MCC: variants seen among roughly 807,000 people sequenced by gnomAD.
MCC encodes colorectal mutant cancer protein.
In MCC, 90 loss-of-function variants were observed where a neutral mutation model predicts 116.2. The ratio of observed to expected loss-of-function variants is 0.77; its 90% CI spans 0.65 to 0.92. The LOEUF is 0.92. Ranked by LOEUF, MCC falls within the 40% of genes least tolerant of loss-of-function variation. MCC has a pLI of 0.00. For synonymous variants in MCC, 578 were observed against 510.5 expected, an observed-to-expected ratio of 1.13 and a Z score of -1.78; for missense variants, 1,516 against 1,312.2, an observed-to-expected ratio of 1.16 and a Z score of -2.40.
intron 3 of MCC, among the ~76,000 whole-genome samples, chr5:113,332,097 G>C (rs763590761): frequency 6.6e-6 from 1 of 151,666 alleles, no homozygotes; most frequent in Non-Finnish European, 1.5e-5. Flanking sequence ...CTCCTTGAAA[G>C]ATCTCATTTC....
chr5:113,046,624 C>A (rs574090413), intron 16 of MCC, among the ~76,000 whole-genome samples: 1 of 146,944 alleles, frequency 6.8e-6, no homozygotes, highest in Non-Finnish European at 1.5e-5. Flanking sequence ...CTACCACACC[C>A]CAAGAACACA....
At position 113,040,182 on chromosome 5, in the gene MCC, C is replaced by T. The variant is rs199639300; in HGVS notation, c.2756+3348G>A. 8.2e-4 allele frequency among the ~76,000 whole-genome samples: 39 copies of T among 47,438 alleles called. 1 individual carries two copies. In the Middle Eastern group the frequency reaches 0.053, roughly 64 times the overall value. The allele number at this position is 47,438 out of a possible 152,430, so 31.1% of individuals were successfully genotyped here. ...ATGGGAGTTATACATACAGTAAAGGCGGGGTGGCATGTAGCCTTGGTTTTG... is the reference window on the plus strand; with the variant it reads ...ATGGGAGTTATACATACAGTAAAGGTGGGGTGGCATGTAGCCTTGGTTTTG... On this transcript the variant is annotated intron_variant, in intron 17 of 18. Coordinates refer to ENST00000408903, the MANE Select transcript of MCC (RefSeq NM_001085377.2).
At chr5:113,248,118 G>C (rs534340608) in intron 3 of MCC, among the ~76,000 whole-genome samples, 1 of 151,782 alleles carries the variant, frequency 6.6e-6, no homozygotes, top group African/African-American at 2.4e-5. Context: ...ATATATCCTG[G>C]TTACTCCAGG....
chr5:113,060,098 T>C (rs1753113245), intron 14 of MCC, among the ~76,000 whole-genome samples: 1 of 152,204 alleles, frequency 6.6e-6, no homozygotes, highest in Non-Finnish European at 1.5e-5. Flanking sequence ...TTCATCAACA[T>C]CTTACCTGGC....
intron 5 of MCC, among the ~76,000 whole-genome samples, chr5:113,137,190 G>C (rs747591456): frequency 1.3e-5 from 2 of 152,158 alleles, no homozygotes; most frequent in Non-Finnish European, 2.9e-5. Context: ...CAGCAGGATA[G>C]AGTGTAAGCA....
At chr5:113,216,465 A>G (rs910443985) in intron 3 of MCC, among the ~76,000 whole-genome samples, 5 of 152,190 alleles carry the variant, frequency 3.3e-5, no homozygotes, top group Non-Finnish European at 2.9e-5. Flanking sequence ...TAGTATAAAT[A>G]ATCTGTAAGC....
chr5:113,027,789 C>A (rs561439644), intron 18 of MCC, among the ~76,000 whole-genome samples: 3 of 152,280 alleles, frequency 2.0e-5, no homozygotes, highest in East Asian at 1.9e-4. Context: ...CAGTCCAAAA[C>A]GGATAAATAC....
At chr5:113,088,691 C>T (rs754119681) in intron 8 of MCC, among the ~76,000 whole-genome samples, 7 of 152,002 alleles carry the variant, frequency 4.6e-5, no homozygotes, top group Non-Finnish European at 1.0e-4. Flanking sequence ...TTCGAAGAGG[C>T]AAGGAAGGAT....
chr5:113,036,392 TTC>T (rs1237354418), intron 17 of MCC, among the ~76,000 whole-genome samples: 13 of 152,284 alleles, frequency 8.5e-5, no homozygotes, highest in African/African-American at 3.1e-4. Context: ...CCACCTGGGA[TTC>T]TGTCTGCAGA....
chr5:113,353,243 C>T (rs555058701), intron 2 of MCC, among the ~76,000 whole-genome samples: 3 of 152,182 alleles, frequency 2.0e-5, no homozygotes, highest in African/African-American at 7.2e-5. Context: ...ATGACAAGGC[C>T]ATTGTTAGGA....
At chr5:113,447,875 G>A (rs181115900) in intron 1 of MCC, among the ~76,000 whole-genome samples, 1 of 152,176 alleles carries the variant, frequency 6.6e-6, no homozygotes, top group East Asian at 1.9e-4. Context: ...TTGAGACAAA[G>A]GTCCAGCTGC....
intron 2 of MCC, among the ~76,000 whole-genome samples, chr5:113,366,069 T>C (rs1022628037): frequency 6.6e-5 from 10 of 152,234 alleles, no homozygotes; most frequent in Non-Finnish European, 1.2e-4. Flanking sequence ...TTTCTTCTTT[T>C]GTGCTTTCGA....
chr5:113,328,022 A>G (rs1255428963), intron 3 of MCC, among the ~76,000 whole-genome samples: 3 of 152,200 alleles, frequency 2.0e-5, no homozygotes, highest in Non-Finnish European at 4.4e-5. Context: ...AATTGACACC[A>G]TAATTCACAG....
intron 2 of MCC, among the ~76,000 whole-genome samples, chr5:113,355,769 A>C (rs1186837070): frequency 6.6e-6 from 1 of 152,006 alleles, no homozygotes; most frequent in African/African-American, 2.4e-5. Flanking sequence ...CCACGATCTC[A>C]TCTAACTTTA....
intron 3 of MCC, among the ~76,000 whole-genome samples, chr5:113,182,369 A>G (rs10072487): frequency 0.44 from 67,289 of 152,002 alleles, 16,746 homozygotes; most frequent in African/African-American, 0.68. Context: ...CCACACTAAC[A>G]AGATGGTAAG....
intron 3 of MCC, among the ~76,000 whole-genome samples, chr5:113,156,295 T>C (rs776423033): frequency 2.0e-5 from 3 of 152,230 alleles, no homozygotes; most frequent in Non-Finnish European, 4.4e-5. Flanking sequence ...TGCCACTTGT[T>C]GGTGGACTGT....
chr5:113,221,685 A>G (rs1440152042), intron 3 of MCC, among the ~76,000 whole-genome samples: 1 of 152,208 alleles, frequency 6.6e-6, no homozygotes, highest in Non-Finnish European at 1.5e-5. Flanking sequence ...ACACTGGCTC[A>G]TCTGGTCTTG....
chr5:113,214,069 C>T (rs188016894), intron 3 of MCC, among the ~76,000 whole-genome samples: 1 of 152,174 alleles, frequency 6.6e-6, no homozygotes, highest in Non-Finnish European at 1.5e-5. Flanking sequence ...TTCCCTCCTC[C>T]CACCCCTGTC....
chr5:113,347,149 A>G (rs1014166367), intron 2 of MCC, among the ~76,000 whole-genome samples: 2 of 152,192 alleles, frequency 1.3e-5, no homozygotes, highest in East Asian at 1.9e-4. Context: ...CTGAAGATAT[A>G]AAACTCACTT....
Sources: gnomAD v4.1 joint callset for allele counts (sites outside exome capture counted in the v4.1 genomes callset) on GRCh38, gnomAD v4.1.1 for gene constraint, MANE v1.5 for transcripts, NCBI Gene and HGNC (gene_info 2026-07-23, HGNC 2026-07-21) for gene names.